HDX: variants seen among roughly 807,000 people sequenced by gnomAD.
The protein encoded by HDX is highly divergent homeobox.
HDX carries 19 observed loss-of-function variants against 45.2 expected under a neutral mutation model. The observed-to-expected ratio is 0.42, with a 90% CI of 0.29 to 0.62. The LOEUF is 0.62. Ranked by LOEUF, HDX falls within the 20% of genes least tolerant of loss-of-function variation. HDX has a pLI of 0.20. For synonymous variants in HDX, 188 were observed against 172.8 expected, an observed-to-expected ratio of 1.09 and a Z score of -0.69; for missense variants, 532 against 493.9, an observed-to-expected ratio of 1.08 and a Z score of -0.73.
chrX:84,429,951 A>G (rs1384224027), intron 5 of HDX, among the ~76,000 whole-genome samples: 4 of 110,901 alleles, frequency 3.6e-5, no homozygotes. Context: ...GTTTTGATAC[A>G]TTTCATGTAT....
chrX:84,379,010 A>G (rs973770372), intron 5 of HDX, among the ~76,000 whole-genome samples: 1 of 110,700 alleles, frequency 9.0e-6, no homozygotes, highest in Admixed American at 9.7e-5. Flanking sequence ...GAGTTGCTAT[A>G]CTTATATCAG....
intron 5 of HDX, among the ~76,000 whole-genome samples, chrX:84,411,913 T>G (rs1275722964): frequency 9.0e-6 from 1 of 111,703 alleles, no homozygotes; most frequent in East Asian, 2.8e-4. Flanking sequence ...TTACCATTAT[T>G]TAATGTTCTC....
Position 84,352,388 on chromosome X carries a change from T to C in HDX, c.1453-7931A>G, listed in dbSNP as rs181982827. ...GCCTAGTATGAAATAAAAATCTGTA[T>C]GGATACTAATTTTCTTAGCTTTGAT... On this transcript the variant is annotated intron_variant, in intron 6 of 10. Coordinates refer to ENST00000373177, the MANE Select transcript of HDX (RefSeq NM_001177479.2). 2.6e-3 allele frequency among the ~76,000 whole-genome samples: 288 copies of C among 112,286 alleles called. 2 individuals are homozygous for C. The highest frequency in any genetic ancestry group is 9.0e-3 in the African/African-American group (278 of 30,996).
At chrX:84,362,823 A>T (rs1031742594) in intron 5 of HDX, among the ~76,000 whole-genome samples, 1 of 111,886 alleles carries the variant, frequency 8.9e-6, no homozygotes, top group East Asian at 2.8e-4. Context: ...TACACAACAT[A>T]TAAAACATGA....
intron 5 of HDX, among the ~76,000 whole-genome samples, chrX:84,401,443 G>A (rs2038703780): frequency 2.7e-5 from 3 of 111,611 alleles, no homozygotes; most frequent in African/African-American, 9.8e-5. Flanking sequence ...ATGTGGCCAA[G>A]AAACATGAAA....
At chrX:84,483,865 A>C (rs983563348) in intron 2 of HDX, among the ~76,000 whole-genome samples, 5 of 111,504 alleles carry the variant, frequency 4.5e-5, no homozygotes, top group African/African-American at 1.6e-4. Flanking sequence ...CTCAAGTTCA[A>C]AGTTTCACAG....
rs2036597369 is a variant in HDX, at chrX:84,321,512, G to C, written c.*377C>G. The C allele has an allele frequency of 8.9e-6, 1 of 112,829 alleles. No homozygotes were observed. The highest frequency in any genetic ancestry group is 1.9e-5 in the Non-Finnish European group (1 of 53,861). The allele number at this position is 112,829 out of a possible 1,213,427, so 9.3% of individuals were successfully genotyped here. A position where few individuals can be genotyped will look rare whatever the true frequency, so the allele number is the denominator to read the frequency against. On this transcript the variant is annotated 3_prime_UTR_variant, in exon 11 of 11. Coordinates refer to ENST00000373177, the MANE Select transcript of HDX (RefSeq NM_001177479.2). ...AGGAAAAGGAGAGAAGAAGAAAGAA[G>C]ATGTAATGGCTACAAAAACAAGACT...
intron 5 of HDX, among the ~76,000 whole-genome samples, chrX:84,395,452 C>T (rs962854155): frequency 1.2e-4 from 13 of 109,742 alleles, no homozygotes; most frequent in Non-Finnish European, 1.9e-4. Flanking sequence ...TAGTGAAATG[C>T]GGGTTCATTT....
chrX:84,357,092 T>C (rs1205014153), intron 6 of HDX, among the ~76,000 whole-genome samples: 5 of 111,381 alleles, frequency 4.5e-5, no homozygotes, highest in Non-Finnish European at 9.4e-5. Context: ...CATGATGAAG[T>C]TTTTTAAAAA....
chrX:84,490,572 T>C (rs1345269217), intron 1 of HDX, among the ~76,000 whole-genome samples: 1 of 111,785 alleles, frequency 8.9e-6, no homozygotes, highest in African/African-American at 3.2e-5. Flanking sequence ...ATTATGTATG[T>C]TAAAATTTCA....
chrX:84,360,910 T>C (rs965616292), intron 6 of HDX, among the ~76,000 whole-genome samples: 3 of 111,889 alleles, frequency 2.7e-5, no homozygotes, highest in African/African-American at 9.7e-5. Flanking sequence ...ATACATTTTT[T>C]ATTCTTTTGA....
chrX:84,487,912 G>T (rs944241867), intron 2 of HDX, 112 bp downstream of exon 2: 1 of 112,185 alleles, frequency 8.9e-6, no homozygotes, highest in Non-Finnish European at 1.9e-5. Flanking sequence ...TGTTGGGACT[G>T]CCAGCTGCTA....
rs146043472 is a variant in HDX at position 84,385,196 on chromosome X, C to CTTTTT, written c.1306-23589_1306-23585dup. ...CATATATTTGTGTCATCTCTGATTT[C>CTTTTT]TTTTTTTTTTTTTTTTTTTTTTTTT... On this transcript the variant is annotated intron_variant, in intron 5 of 10. Coordinates refer to ENST00000373177, the MANE Select transcript of HDX (RefSeq NM_001177479.2). 2.7e-4 allele frequency among the ~76,000 whole-genome samples: 8 copies of CTTTTT among 29,536 alleles called. 1 individual carries two copies. The highest frequency in any genetic ancestry group is 1.1e-3 in the African/African-American group (7 of 6,284). 25.6% of individuals were successfully genotyped at this position (29,536 alleles called of 115,157 possible). A position where few individuals can be genotyped will look rare whatever the true frequency, so the allele number is the denominator to read the frequency against.
At chrX:84,361,968 T>C (rs2037632208) in intron 5 of HDX, among the ~76,000 whole-genome samples, 1 of 111,975 alleles carries the variant, frequency 8.9e-6, no homozygotes, top group African/African-American at 3.2e-5. Context: ...TTTTAATGTA[T>C]ACTCTTTTAA....
intron 5 of HDX, among the ~76,000 whole-genome samples, chrX:84,401,910 TG>T (rs2038715886): frequency 8.9e-6 from 1 of 111,882 alleles, no homozygotes; most frequent in Admixed American, 9.5e-5. Context: ...TGGATGAAGC[TG>T]GAAGCCATCA....
At chrX:84,495,935 G>A (rs949814218) in intron 1 of HDX, among the ~76,000 whole-genome samples, 2 of 111,758 alleles carry the variant, frequency 1.8e-5, no homozygotes, top group Non-Finnish European at 3.8e-5. Context: ...TAATTTTGTG[G>A]TGATATATTA....
intron 8 of HDX, among the ~76,000 whole-genome samples, chrX:84,335,704 A>T (rs1224204548): frequency 9.0e-6 from 1 of 111,329 alleles, no homozygotes; most frequent in Non-Finnish European, 1.9e-5. Flanking sequence ...TAGCTATCTA[A>T]CAAAAACACG....
At chrX:84,347,393 G>C (rs868727637) in intron 6 of HDX, among the ~76,000 whole-genome samples, 1 of 110,609 alleles carries the variant, frequency 9.0e-6, no homozygotes. Context: ...TGGGAGTTTA[G>C]ATTATTTATT....
At chrX:84,375,254 G>A (rs182521068) in intron 5 of HDX, among the ~76,000 whole-genome samples, 1 of 110,975 alleles carries the variant, frequency 9.0e-6, no homozygotes, top group Non-Finnish European at 1.9e-5. Flanking sequence ...AACAGGTGCT[G>A]TAGAGGATGT....
Sources: allele counts gnomAD v4.1 joint callset (sites outside exome capture counted in the v4.1 genomes callset), GRCh38; gene constraint gnomAD v4.1.1; transcripts MANE v1.5; gene names NCBI Gene and HGNC (gene_info 2026-07-23, HGNC 2026-07-21).